The following ERAP2 variants were observed in gnomAD, a reference collection of about 807,000 sequenced individuals.
ERAP2 encodes leukocyte-derived arginine aminopeptidase.
In ERAP2, 118 loss-of-function variants were observed where a neutral mutation model predicts 111.1. The ratio of observed to expected loss-of-function variants is 1.06; its 90% CI spans 0.92 to 1.24. The LOEUF (loss-of-function observed/expected upper bound fraction) is 1.24. Among genes scored for constraint, ERAP2 ranks in the 50% most tolerant of loss-of-function variants. ERAP2 has a pLI of 0.00. For synonymous variants in ERAP2, 410 were observed against 401.2 expected (o/e 1.02, Z -0.26); for missense variants, 1,131 against 1,125.8 (o/e 1.00, Z -0.07).
intron 4 of ERAP2, among the ~76,000 whole-genome samples, chr5:96,887,207 T>C (rs1783847416): frequency 6.6e-6 from 1 of 151,564 alleles, no homozygotes; most frequent in African/African-American, 2.4e-5. Context: ...AAGTTGAATG[T>C]CATTTAAAAT....
chr5:96,892,547 T>G (rs1784488242), intron 6 of ERAP2, 94 bp downstream of exon 6: 1 of 1,453,470 alleles, frequency 6.9e-7, no homozygotes, highest in Admixed American at 1.9e-5. Flanking sequence ...AATCATCTCA[T>G]TTACCTCTAG....
At chr5:96,877,034 G>C (rs529052179) in intron 1 of ERAP2, among the ~76,000 whole-genome samples, 1 of 152,320 alleles carries the variant, frequency 6.6e-6, no homozygotes, top group East Asian at 1.9e-4. Flanking sequence ...GAGTGCAGCA[G>C]CACGATCTCG....
In ERAP2 at chr5:96,896,840, G is replaced by T; in HGVS notation, c.1480G>T (p.Asp494Tyr). ...CAGCTATAGAAATGCTAAGAATGATGACTTGTGGAGCAGTCTGTCAAATGT... is the reference window on the plus strand; with the variant it reads ...CAGCTATAGAAATGCTAAGAATGATTACTTGTGGAGCAGTCTGTCAAATGT... ...KFSYRNAKNDDLWSSLSNSCL... is the reference protein window; with the variant it reads ...KFSYRNAKNDYLWSSLSNSCL... The change falls in exon 9 of 19, where the codon GAC becomes TAC. Residue 494 changes from aspartate to tyrosine, a missense_variant. Coordinates refer to ENST00000437043, the MANE Select transcript of ERAP2 (RefSeq NM_022350.5). 1 of 1,142,802 alleles carries T rather than the reference G, an allele frequency of 8.8e-7. No homozygotes were observed. Among genetic ancestry groups the T allele is most frequent in the South Asian group, 1.8e-5 (1 of 57,078 alleles). The allele number at this position is 1,142,802 out of a possible 1,614,324, so 70.8% of individuals were successfully genotyped here. A position where few individuals can be genotyped will look rare whatever the true frequency, so the allele number is the denominator to read the frequency against.
intron 13 of ERAP2, among the ~76,000 whole-genome samples, chr5:96,904,158 T>C (rs1785788232): frequency 6.6e-6 from 1 of 152,210 alleles, no homozygotes; most frequent in African/African-American, 2.4e-5. Context: ...GGAAATGAAG[T>C]AATAAATGGC....
chr5:96,888,522 A>G (rs1783999688), intron 4 of ERAP2, among the ~76,000 whole-genome samples: 2 of 152,258 alleles, frequency 1.3e-5, no homozygotes, highest in African/African-American at 4.8e-5. Flanking sequence ...AGTGCCTGGT[A>G]AACTGTCAAA....
At chr5:96,900,352 T>C (rs185568829) in intron 10 of ERAP2, 163 bp downstream of exon 10, 7 of 1,112,334 alleles carry the variant, frequency 6.3e-6, no homozygotes, top group Non-Finnish European at 8.5e-6. Flanking sequence ...ATGCTTGGGG[T>C]ATTTAGGGGG....
chr5:96,913,963 A>C (rs1787091201), intron 17 of ERAP2, among the ~76,000 whole-genome samples: 1 of 152,180 alleles, frequency 6.6e-6, no homozygotes, highest in East Asian at 1.9e-4. Context: ...GTGTTTGGGG[A>C]GCCCTCCCTC....
In ERAP2 at chr5:96,879,996, C is replaced by T; in HGVS notation, c.311C>T (p.Ala104Val). Reference sequence around the variant, plus strand: ...AAGATCGAAGTCTTGGTCAGCAATGCTACCCAGTTTATCATCTTGCACAGC... The same window carrying T: ...AAGATCGAAGTCTTGGTCAGCAATGTTACCCAGTTTATCATCTTGCACAGC... ...SEKIEVLVSN[A>V]TQFIILHSKD... The change falls in exon 2 of 19, where the codon GCT (alanine) becomes GTT (valine). Residue 104 changes from alanine (A) to valine (V), a missense_variant. Physicochemically the swap from Ala to Val is moderately conservative, Grantham distance 64. Around this residue, in one of 3 missense-constraint regions of ERAP2, gnomAD observed 847 missense variants for 856.5 expected, o/e 0.99. Transcript: ENST00000437043. 6.2e-7 allele frequency: 1 copy of T among 1,614,190 alleles called. No homozygotes were observed. Among genetic ancestry groups the T allele is most frequent in the South Asian group, 1.1e-5 (1 of 91,086 alleles).
Position 96,879,703 on chromosome 5 carries a change from A to C in ERAP2, c.18A>C (p.Ala6=), listed in dbSNP as rs776051836. The C allele has an allele frequency of 6.2e-7, 1 of 1,613,810 alleles. No homozygotes were observed. Residue 6 remains alanine, a synonymous_variant, in exon 2 of 19, where the codon GCA becomes GCC. Transcript: ENST00000437043. MFHSS[A]MVNSHRKPMF... ...TAGATTTCATGTTCCATTCTTCTGC[A>C]ATGGTTAATTCACACAGAAAACCAA... is the stretch of plus-strand genomic sequence containing the variant.
chr5:96,880,327 C>G, intron 2 of ERAP2, 67 bp downstream of exon 2: 1 of 1,376,330 alleles, frequency 7.3e-7, no homozygotes, highest in Non-Finnish European at 9.9e-7. Flanking sequence ...ATCTCTTTGC[C>G]AGGAGCAGAC....
At chr5:96,902,244 G>GTCTATCTTTACTCTCTGTACCTA (rs752292326) in intron 11 of ERAP2, 30 bp from the exon 12 acceptor site, 47 of 1,454,174 alleles carry the variant, frequency 3.2e-5, no homozygotes, top group Non-Finnish European at 3.8e-5. Flanking sequence ...CATTCTTTTG[G>GTCTATCTTTACTCTCTGTACCTA]TCTGTAACTA....
At chr5:96,908,897 A>G (rs1336282602) in intron 13 of ERAP2, 64 bp from the exon 14 acceptor site, 2 of 1,471,334 alleles carry the variant, frequency 1.4e-6, no homozygotes, top group Non-Finnish European at 9.2e-7. Context: ...TATTTGTTTT[A>G]ATGTTAAAAA....
chr5:96,916,456 C>CTTTTTTT (rs745860227), intron 18 of ERAP2, among the ~76,000 whole-genome samples: 3 of 97,640 alleles, frequency 3.1e-5, no homozygotes, highest in East Asian at 2.7e-4. Context: ...TTCTAGTTAT[C>CTTTTTTT]TTTTTTTTTT....
intron 2 of ERAP2, among the ~76,000 whole-genome samples, chr5:96,882,076 A>G (rs909513317): frequency 2.0e-5 from 3 of 151,442 alleles, no homozygotes; most frequent in Non-Finnish European, 2.9e-5. Flanking sequence ...ACCTAGGACA[A>G]CTCTTCCCCA....
At position 96,912,642 on chromosome 5, in the gene ERAP2, C is replaced by T. The variant is rs1786926695; in HGVS notation, c.2360C>T (p.Pro787Leu). The T allele has an allele frequency of 1.9e-6, 3 of 1,604,642 alleles. No homozygotes were observed. Among genetic ancestry groups the T allele is most frequent in the East Asian group, 2.3e-5 (1 of 44,270 alleles). ...TTTTATGCTTGATATTACAGTATAC[C>T]AACAGATGTTTTAAAGATTGTGTAT... Reference protein sequence around the residue: ...WMESSGKLNIPTDVLKIVYSV... With the variant: ...WMESSGKLNILTDVLKIVYSV... The change falls in exon 16 of 19, where the codon CCA becomes CTA. Residue 787 changes from proline to leucine, a missense_variant. By Grantham distance (98) the Pro-to-Leu change is moderately conservative. This residue lies in a region of ERAP2 where 279 missense variants were observed against 250.9 expected (regional missense o/e 1.11). Coordinates refer to ENST00000437043, the MANE Select transcript of ERAP2 (RefSeq NM_022350.5).
intron 2 of ERAP2, among the ~76,000 whole-genome samples, chr5:96,883,168 G>A (rs1783337104): frequency 6.6e-6 from 1 of 152,132 alleles, no homozygotes; most frequent in Non-Finnish European, 1.5e-5. Context: ...TCCAGTGGGG[G>A]ACACGTGAAG....
At chr5:96,890,052 T>C (rs147981687) in intron 5 of ERAP2, among the ~76,000 whole-genome samples, 2 of 152,230 alleles carry the variant, frequency 1.3e-5, no homozygotes, top group Non-Finnish European at 2.9e-5. Context: ...TTTTAAAAAA[T>C]TGCAGGAAAC....
At chr5:96,880,411 A>T in intron 2 of ERAP2, 151 bp downstream of exon 2, 1 of 724,548 alleles carries the variant, frequency 1.4e-6, no homozygotes, top group Non-Finnish European at 2.3e-6. Flanking sequence ...CCATTCCTTA[A>T]GGAAACCACA....
intron 14 of ERAP2, 63 bp from the exon 15 acceptor site, chr5:96,909,517 G>T: frequency 7.6e-7 from 1 of 1,318,872 alleles, no homozygotes; most frequent in South Asian, 1.2e-5. Context: ...CCCTTTAGAT[G>T]GGCAAGAACT....
Sources: gnomAD v4.1 joint callset for allele counts (sites outside exome capture counted in the v4.1 genomes callset) on GRCh38, gnomAD v4.1.1 for gene constraint, gnomAD v4.1.1 regional missense constraint, MANE v1.5 for transcripts, NCBI Gene and HGNC (gene_info 2026-07-23, HGNC 2026-07-21) for gene names.